Variants in CLNK observed in about 807,000 individuals in gnomAD.
CLNK encodes cytokine-dependent hematopoietic cell linker.
Under a neutral mutation model 68.6 loss-of-function variants are expected in CLNK, and 74 were observed. The ratio of observed to expected loss-of-function variants is 1.08; its 90% CI spans 0.89 to 1.31. The LOEUF is 1.31. Among genes scored for constraint, CLNK ranks in the 50% most tolerant of loss-of-function variants. The pLI is 0.00. For synonymous variants in CLNK, 198 were observed against 172.2 expected, an observed-to-expected ratio of 1.15 and a Z score of -1.17; for missense variants, 553 against 515.3, an observed-to-expected ratio of 1.07 and a Z score of -0.71.
At chr4:10,715,218 C>T in the CLNK span, among the ~76,000 whole-genome samples, 1 of 152,140 alleles carries the variant, frequency 6.6e-6, no homozygotes, top group Admixed American at 6.5e-5. Flanking sequence ...AACACAGAAC[C>T]ATAAGCCCCT....
chr4:10,619,385 C>A (rs939186312), intron 2 of CLNK, among the ~76,000 whole-genome samples: 2 of 152,144 alleles, frequency 1.3e-5, no homozygotes, highest in African/African-American at 4.8e-5. Context: ...GAATATACAT[C>A]AATGGGAGAC....
chr4:10,708,102 C>T, the CLNK span, among the ~76,000 whole-genome samples: 70,004 of 151,926 alleles, frequency 0.46, 17,419 homozygotes, highest in Middle Eastern at 0.61. Context: ...TTCCCAATGA[C>T]AGGAGGAAGT....
intron 3 of CLNK, among the ~76,000 whole-genome samples, chr4:10,588,954 C>T (rs981010827): frequency 2.0e-5 from 3 of 151,952 alleles, no homozygotes; most frequent in Admixed American, 6.5e-5. Flanking sequence ...GAGGAGATAT[C>T]AGTCAAAGGG....
At position 10,547,139 on chromosome 4, in the gene CLNK, A is replaced by C. The variant is rs74406810; in HGVS notation, c.446-4859T>G. On this transcript the variant is annotated intron_variant, in intron 8 of 18. Coordinates refer to ENST00000226951, the MANE Select transcript of CLNK (RefSeq NM_052964.4). ...GCTATATTGGGGACAAAGTTTCAAC[A>C]TGAGATTTGGAAGGGACACTTGAAT... Among the ~76,000 whole-genome samples the C allele has an allele frequency of 7.2e-4, 109 of 152,296 alleles. 2 individuals carry two copies. The East Asian group carries it at 0.011, about 15-fold the overall frequency.
intron 13 of CLNK, among the ~76,000 whole-genome samples, chr4:10,526,355 A>T (rs1718319750): frequency 6.6e-6 from 1 of 152,230 alleles, no homozygotes; most frequent in Admixed American, 6.5e-5. Context: ...AAAAAGACAG[A>T]CATGGTTCGT....
At position 10,512,067 on chromosome 4, in the gene CLNK, T is replaced by C. The variant is rs544160178; in HGVS notation, c.906+1397A>G. Among the ~76,000 whole-genome samples, 118 of 152,278 alleles carry C rather than the reference T, an allele frequency of 7.7e-4. 1 individual carries two copies. The South Asian group carries it at 0.01, about 13-fold the overall frequency. ...ATAGCTGAAATCAGGGAAATCCTGA[T>C]GTGGTCCAAGCCTGTCTCATGCCTA... On this transcript the variant is annotated intron_variant, in intron 16 of 18. Coordinates refer to ENST00000226951, the MANE Select transcript of CLNK (RefSeq NM_052964.4).
intron 1 of CLNK, among the ~76,000 whole-genome samples, chr4:10,673,243 G>C (rs531851009): frequency 1.3e-5 from 2 of 152,218 alleles, no homozygotes; most frequent in African/African-American, 4.8e-5. Flanking sequence ...AGAGAGCATA[G>C]AGCATAAGGT....
intron 8 of CLNK, among the ~76,000 whole-genome samples, chr4:10,543,308 G>T (rs1251006593): frequency 6.6e-6 from 1 of 152,198 alleles, no homozygotes; most frequent in East Asian, 1.9e-4. Context: ...AATGGGCGTG[G>T]TGTAATAAAT....
At chr4:10,728,576 T>A in the CLNK span, among the ~76,000 whole-genome samples, 1 of 141,428 alleles carries the variant, frequency 7.1e-6, no homozygotes. Flanking sequence ...GTGTGTGATG[T>A]ATCCTTTCTT....
chr4:10,644,995 C>T (rs763712335), intron 2 of CLNK, among the ~76,000 whole-genome samples: 11 of 152,232 alleles, frequency 7.2e-5, no homozygotes, highest in Admixed American at 2.6e-4. Flanking sequence ...GGTAAGCATC[C>T]GGTGTCTTCC....
At position 10,552,791 on chromosome 4, in the gene CLNK, G is replaced by A. The variant is rs115061596; in HGVS notation, c.445+5616C>T. 4.3e-3 allele frequency among the ~76,000 whole-genome samples: 656 copies of A among 152,114 alleles called. 2 individuals carry two copies. Among genetic ancestry groups the A allele is most frequent in the Non-Finnish European group, 7.3e-3 (494 of 67,990 alleles). On this transcript the variant is annotated intron_variant, in intron 8 of 18. Transcript: ENST00000226951. ...CGTGTCTATTAAACTCTTTCTCTAC[G>A]GCAGTGCCCTGGTCTCTCTTTATGC...
the CLNK span, among the ~76,000 whole-genome samples, chr4:10,731,779 T>G: frequency 5.3e-5 from 8 of 152,360 alleles, no homozygotes; most frequent in South Asian, 8.3e-4. Context: ...TATCAGTTAC[T>G]GTTAAAGTGT....
intron 2 of CLNK, among the ~76,000 whole-genome samples, chr4:10,635,174 C>G (rs760561011): frequency 3.0e-4 from 46 of 152,210 alleles, no homozygotes; most frequent in Non-Finnish European, 3.7e-4. Context: ...GATACTACAA[C>G]AGGTTTATGA....
At chr4:10,725,757 A>C in the CLNK span, among the ~76,000 whole-genome samples, 1 of 151,922 alleles carries the variant, frequency 6.6e-6, no homozygotes. Context: ...CGGGAGGCTG[A>C]GGCAGGAGAA....
chr4:10,608,817 A>G (rs1721890328), intron 2 of CLNK, among the ~76,000 whole-genome samples: 1 of 152,178 alleles, frequency 6.6e-6, no homozygotes, highest in Non-Finnish European at 1.5e-5. Context: ...TTTATCCCTC[A>G]TAGTTCTGTA....
At chr4:10,673,386 G>C (rs764160919) in intron 1 of CLNK, among the ~76,000 whole-genome samples, 3 of 152,054 alleles carry the variant, frequency 2.0e-5, no homozygotes, top group Non-Finnish European at 2.9e-5. Flanking sequence ...TGATTGCCCT[G>C]GACAGAACTT....
the CLNK span, among the ~76,000 whole-genome samples, chr4:10,706,345 T>C: frequency 0.9 from 137,389 of 152,228 alleles, 62,154 homozygotes; most frequent in Admixed American, 0.94. Flanking sequence ...TTGGGGGAAA[T>C]TTTGAGATAG....
At chr4:10,511,564 C>A (rs546119869) in intron 16 of CLNK, among the ~76,000 whole-genome samples, 2 of 152,318 alleles carry the variant, frequency 1.3e-5, no homozygotes, top group East Asian at 3.9e-4. Flanking sequence ...ATCCTACCTT[C>A]CGTCTCTATG....
At chr4:10,491,930 A>G (rs1387291200) in intron 18 of CLNK, among the ~76,000 whole-genome samples, 2 of 152,038 alleles carry the variant, frequency 1.3e-5, no homozygotes, top group Non-Finnish European at 2.9e-5. Flanking sequence ...CCCCCTTCTC[A>G]CCCTCTCCCT....
Sources: gnomAD v4.1 joint callset for allele counts (sites outside exome capture counted in the v4.1 genomes callset) on GRCh38, gnomAD v4.1.1 for gene constraint, MANE v1.5 for transcripts, NCBI Gene and HGNC (gene_info 2026-07-23, HGNC 2026-07-21) for gene names.